Variants in SMC1B observed in about 807,000 individuals in gnomAD.
SMC1B encodes the protein structural maintenance of chromosomes protein 1B.
Under a neutral mutation model 157.9 loss-of-function variants are expected in SMC1B, and 60 were observed. The ratio of observed to expected loss-of-function variants is 0.38; its 90% CI spans 0.31 to 0.47. The LOEUF is 0.47. Among genes scored for constraint, SMC1B ranks in the 20% least tolerant of loss-of-function variants. The pLI is 0.99. For synonymous variants in SMC1B, 445 were observed against 483.0 expected (o/e 0.92, Z 1.03); for missense variants, 1,165 against 1,426.2 (o/e 0.82, Z 2.95).
At chr22:45,348,542 T>C (rs6519844) in intron 23 of SMC1B, among the ~76,000 whole-genome samples, 132,548 of 152,140 alleles carry the variant, frequency 0.87, 57,842 homozygotes, top group African/African-American at 0.91. Flanking sequence ...ATTCCCAATA[T>C]CTAGATTTGG....
At chr22:45,406,416 T>G (rs1206326960) in intron 4 of SMC1B, 44 bp downstream of exon 4, 4 of 1,538,322 alleles carry the variant, frequency 2.6e-6, no homozygotes, top group Non-Finnish European at 3.5e-6. Flanking sequence ...ACATAGAAAG[T>G]TTTATATCCA....
chr22:45,408,827 T>A lies in SMC1B; in HGVS notation c.181A>T (p.Ile61Phe), dbSNP rs1476197190. ...TGTGCTCCATGAATGAGTTCTTGAATATTTTTCACTCTTAAATTAGCTATT... is the reference window on the plus strand; with the variant it reads ...TGTGCTCCATGAATGAGTTCTTGAAAATTTTTCACTCTTAAATTAGCTATT... ...EKIANLRVKN[I>F]QELIHGAHIG... is the part of the protein sequence containing the mutation. The change falls in exon 2 of 25, where the codon ATT (isoleucine) becomes TTT (phenylalanine). Residue 61 changes from isoleucine to phenylalanine, a missense_variant. By Grantham distance (21) the Ile-to-Phe change is conservative. Transcript: ENST00000357450. 2.5e-6 allele frequency: 4 copies of A among 1,573,550 alleles called. No individual in the cohort carries two copies. Among genetic ancestry groups the A allele is most frequent in the Non-Finnish European group, 1.7e-6 (2 of 1,164,280 alleles).
chr22:45,357,660 A>G (rs570226981), intron 19 of SMC1B, among the ~76,000 whole-genome samples: 2 of 152,310 alleles, frequency 1.3e-5, no homozygotes, highest in East Asian at 3.9e-4. Context: ...TCATGACACC[A>G]GTGTTCTACA....
intron 12 of SMC1B, among the ~76,000 whole-genome samples, chr22:45,372,531 A>G (rs1252601028): frequency 6.6e-6 from 1 of 152,170 alleles, no homozygotes; most frequent in East Asian, 1.9e-4. Flanking sequence ...TGGGAATGGA[A>G]AATGAAGAGG....
intron 4 of SMC1B, 59 bp from the exon 5 acceptor site, chr22:45,402,630 A>G (rs2146847504): frequency 1.7e-6 from 2 of 1,173,876 alleles, no homozygotes; most frequent in East Asian, 4.7e-5. Flanking sequence ...TTGGCCTTTC[A>G]TAAACTCAAC....
At chr22:45,388,060 A>C (rs901882990) in intron 10 of SMC1B, among the ~76,000 whole-genome samples, 4 of 148,472 alleles carry the variant, frequency 2.7e-5, no homozygotes, top group Non-Finnish European at 6.0e-5. Context: ...AAAACCCACA[A>C]ACAAAACACT....
chr22:45,399,428 C>A, intron 5 of SMC1B, 75 bp from the exon 6 acceptor site: 1 of 1,352,494 alleles, frequency 7.4e-7, no homozygotes, highest in South Asian at 1.4e-5. Flanking sequence ...TTGTTTTGAT[C>A]AAACCACTTT....
chr22:45,384,919 A>G (rs1886681744), intron 11 of SMC1B, among the ~76,000 whole-genome samples: 1 of 152,154 alleles, frequency 6.6e-6, no homozygotes, highest in African/African-American at 2.4e-5. Flanking sequence ...AATATGTGCA[A>G]TTTTGGAAAA....
chr22:45,367,398 T>C (rs1372787182), intron 15 of SMC1B, among the ~76,000 whole-genome samples: 1 of 152,134 alleles, frequency 6.6e-6, no homozygotes. Flanking sequence ...CTATCTTGCA[T>C]GGGGGAGATC....
intron 12 of SMC1B, among the ~76,000 whole-genome samples, chr22:45,376,755 C>T (rs1379923174): frequency 6.6e-6 from 1 of 151,768 alleles, no homozygotes; most frequent in Non-Finnish European, 1.5e-5. Context: ...AGACTGATGC[C>T]ATGACTCAAT....
intron 1 of SMC1B, among the ~76,000 whole-genome samples, chr22:45,410,314 C>A (rs2087317394): frequency 6.6e-6 from 1 of 152,188 alleles, no homozygotes; most frequent in South Asian, 2.1e-4. Context: ...CCATAATTTT[C>A]TCTAAGACAA....
intron 12 of SMC1B, among the ~76,000 whole-genome samples, chr22:45,378,448 A>AT (rs2086903883): frequency 6.6e-6 from 1 of 152,180 alleles, no homozygotes; most frequent in Non-Finnish European, 1.5e-5. Flanking sequence ...TCTCACATTT[A>AT]TTGAGCACTT....
At chr22:45,368,278 A>G (rs922673013) in intron 15 of SMC1B, among the ~76,000 whole-genome samples, 13 of 152,068 alleles carry the variant, frequency 8.5e-5, no homozygotes, top group Non-Finnish European at 1.6e-4. Context: ...TGGTGAATTA[A>G]ACAATAGATT....
intron 9 of SMC1B, among the ~76,000 whole-genome samples, chr22:45,390,479 G>A (rs1024508281): frequency 1.6e-4 from 25 of 152,024 alleles, no homozygotes; most frequent in African/African-American, 5.3e-4. Context: ...AGGCCGAGGC[G>A]GGCAGATCAT....
chr22:45,345,130 G>C (rs924912135), intron 24 of SMC1B, among the ~76,000 whole-genome samples: 5 of 152,080 alleles, frequency 3.3e-5, no homozygotes, highest in Admixed American at 6.5e-5. Flanking sequence ...CAGTGCATTT[G>C]TTTTTGCTTA....
At position 45,383,410 on chromosome 22, in the gene SMC1B, G is replaced by A. The variant is rs181509243; in HGVS notation, c.2058+57C>T. ...ACTGTTATTATAAAAAACCCACCTA[G>A]TTTAAAAACACAATTATTCTACTTA... is the stretch of plus-strand genomic sequence containing the variant. On this transcript the variant is annotated intron_variant, in intron 12 of 24. Coordinates refer to ENST00000357450, the MANE Select transcript of SMC1B (RefSeq NM_148674.5). The A allele has an allele frequency of 6.2e-5, 85 of 1,362,034 alleles. No homozygotes were observed. The East Asian group carries it at 6.9e-4, about 11-fold the overall frequency. The allele number at this position is 1,362,034 out of a possible 1,614,324, so 84.4% of individuals were successfully genotyped here.
chr22:45,399,109 G>A lies in SMC1B; in HGVS notation c.1099C>T (p.Leu367=), dbSNP rs1184642912. ...TCCTTTTTTACCTGACTGGCTTCCA[G>A]TTCAATGTCTCGCTTTTTATGTAAA... The part of the protein sequence containing the change: ...EILHKKRDIE[L]EASQLDRYKE... Residue 367 remains leucine, a synonymous_variant, in exon 6 of 25, where the codon CTG becomes TTG. Transcript: ENST00000357450. 2 of 1,613,086 alleles carry A rather than the reference G, an allele frequency of 1.2e-6. No homozygotes were observed. The highest frequency in any genetic ancestry group is 2.7e-5 in the African/African-American group (2 of 74,960).
chr22:45,356,322 C>A (rs1042662755), intron 19 of SMC1B, among the ~76,000 whole-genome samples: 1 of 152,182 alleles, frequency 6.6e-6, no homozygotes, highest in Non-Finnish European at 1.5e-5. Context: ...GAATATGTGA[C>A]CCCATTCAGG....
chr22:45,376,868 G>A (rs1222162737), intron 12 of SMC1B, among the ~76,000 whole-genome samples: 2 of 152,162 alleles, frequency 1.3e-5, no homozygotes, highest in African/African-American at 4.8e-5. Context: ...GTTCCAGTCA[G>A]GAGGAAGAAA....
Sources: allele counts gnomAD v4.1 joint callset (sites outside exome capture counted in the v4.1 genomes callset), GRCh38; gene constraint gnomAD v4.1.1; transcripts MANE v1.5; gene names NCBI Gene and HGNC (gene_info 2026-07-23, HGNC 2026-07-21).